ABCA13: variants seen among roughly 807,000 people sequenced by gnomAD.
ABCA13 encodes the protein ATP-binding cassette sub-family A member 13.
ABCA13 carries 476 observed loss-of-function variants against 478.7 expected under a neutral mutation model. The observed-to-expected ratio is 0.99, with a 90% CI of 0.92 to 1.07. The LOEUF (loss-of-function observed/expected upper bound fraction) is 1.07. Among genes scored for constraint, ABCA13 ranks in the 50% least tolerant of loss-of-function variants. The pLI is 0.00. For synonymous variants in ABCA13, 2,252 were observed against 2,158.9 expected, an observed-to-expected ratio of 1.04 and a Z score of -1.20; for missense variants, 6,060 against 5,910.6, an observed-to-expected ratio of 1.03 and a Z score of -0.83.
chr7:48,282,719 G>A (rs1167384346), intron 19 of ABCA13, among the ~76,000 whole-genome samples: 4 of 152,036 alleles, frequency 2.6e-5, no homozygotes, highest in Admixed American at 1.3e-4. Context: ...TGTAGATTAC[G>A]TGTTATTTCC....
chr7:48,324,893 G>A (rs1804081796), intron 27 of ABCA13, among the ~76,000 whole-genome samples: 2 of 152,216 alleles, frequency 1.3e-5, no homozygotes, highest in Admixed American at 6.5e-5. Flanking sequence ...TTGTTAAGCT[G>A]CATTTATGTA....
intron 48 of ABCA13, among the ~76,000 whole-genome samples, chr7:48,497,162 T>C (rs750392388): frequency 6.6e-6 from 1 of 152,198 alleles, no homozygotes; most frequent in South Asian, 2.1e-4. Flanking sequence ...ATTGGATAAG[T>C]TTTATTTTTT....
At chr7:48,592,991 A>C (rs567810865) in intron 57 of ABCA13, among the ~76,000 whole-genome samples, 2 of 152,102 alleles carry the variant, frequency 1.3e-5, no homozygotes, top group African/African-American at 2.4e-5. Context: ...TGCAAACAGC[A>C]TAAGATTGGA....
chr7:48,244,425 A>T, intron 10 of ABCA13, 151 bp from the exon 11 acceptor site: 1 of 922,490 alleles, frequency 1.1e-6, no homozygotes, highest in South Asian at 1.8e-5. Context: ...ATTTGTCAAG[A>T]ACCTGGTTGT....
intron 27 of ABCA13, among the ~76,000 whole-genome samples, chr7:48,327,901 T>C (rs2128924112): frequency 6.6e-6 from 1 of 152,312 alleles, no homozygotes; most frequent in South Asian, 2.1e-4. Context: ...TTTAAAGATA[T>C]TTATTTGTTT....
At chr7:48,597,681 A>G (rs1349340292) in intron 58 of ABCA13, among the ~76,000 whole-genome samples, 1 of 152,156 alleles carries the variant, frequency 6.6e-6, no homozygotes, top group Non-Finnish European at 1.5e-5. Context: ...TTTCCTAAGG[A>G]CTAACGCTGT....
chr7:48,242,172 C>G (rs1005915290), intron 10 of ABCA13, among the ~76,000 whole-genome samples: 4 of 151,928 alleles, frequency 2.6e-5, no homozygotes, highest in African/African-American at 9.7e-5. Flanking sequence ...CGTAATTATC[C>G]TACAAATCTC....
At chr7:48,497,773 C>T (rs1189670152) in intron 48 of ABCA13, among the ~76,000 whole-genome samples, 1 of 152,170 alleles carries the variant, frequency 6.6e-6, no homozygotes, top group African/African-American at 2.4e-5. Context: ...GGAGTAGAGT[C>T]TGCTCCCCAT....
rs77572432 is a variant in ABCA13 at position 48,304,234 on chromosome 7, T to A, written c.9322-5713T>A. 2.8e-3 allele frequency among the ~76,000 whole-genome samples: 434 copies of A among 152,328 alleles called. 3 individuals are homozygous for A. The highest frequency in any genetic ancestry group is 0.01 in the African/African-American group (418 of 41,574). Reference sequence around the variant, plus strand: ...TCTTAAAAACTGTAGATAGTAGAACTGTCACTCTTTCTGAAGGCATGAAGA... The same window carrying A: ...TCTTAAAAACTGTAGATAGTAGAACAGTCACTCTTTCTGAAGGCATGAAGA... On this transcript the variant is annotated intron_variant, in intron 23 of 61. Transcript: ENST00000435803.
At chr7:48,393,408 T>C (rs1019998500) in intron 38 of ABCA13, among the ~76,000 whole-genome samples, 1 of 152,050 alleles carries the variant, frequency 6.6e-6, no homozygotes, top group African/African-American at 2.4e-5. Flanking sequence ...AACCATGGCG[T>C]GAGTGTGTGG....
intron 55 of ABCA13, among the ~76,000 whole-genome samples, chr7:48,551,307 T>C (rs919767350): frequency 1.3e-5 from 2 of 151,856 alleles, no homozygotes; most frequent in African/African-American, 4.8e-5. Context: ...TAGAATTTGG[T>C]GAGGCAATAA....
rs76281882 is a variant in ABCA13 at position 48,471,340 on chromosome 7, G to A, written c.12906-190G>A. Among the ~76,000 whole-genome samples the A allele has an allele frequency of 4.7e-4, 71 of 152,306 alleles. No homozygotes were observed. In the East Asian group the frequency reaches 0.01, roughly 22 times the overall value. On this transcript the variant is annotated intron_variant, in intron 44 of 61. Transcript: ENST00000435803. ...CATGTAATATAATGGAAATGCTGGCGTTGTAATAAAACATTGTCATCAGAT... is the reference window on the plus strand; with the variant it reads ...CATGTAATATAATGGAAATGCTGGCATTGTAATAAAACATTGTCATCAGAT...
Position 48,249,214 on chromosome 7 carries a change from T to C in ABCA13, c.1868T>C (p.Ile623Thr). The change falls in exon 15 of 62, where the codon ATA becomes ACA. Residue 623 changes from isoleucine (I) to threonine (T), a missense_variant and splice_region_variant. Transcript: ENST00000435803. ...DCKHQLVSTV[I>T]FHTLEKTQFF... The stretch of plus-strand genomic sequence containing the variant: ...CTCTGGATTCTTTTTGATTGCAGGA[T>C]ATTTCATACACTTGAAAAAACACAA... The C allele has an allele frequency of 1.2e-6, 2 of 1,607,234 alleles. No homozygotes were observed. Among genetic ancestry groups the C allele is most frequent in the Non-Finnish European group, 1.7e-6 (2 of 1,175,956 alleles).
intron 16 of ABCA13, among the ~76,000 whole-genome samples, chr7:48,271,385 G>A (rs1320849680): frequency 6.6e-6 from 1 of 152,164 alleles, no homozygotes; most frequent in African/African-American, 2.4e-5. Flanking sequence ...ACACCTTGCT[G>A]AAACCCTACA....
intron 43 of ABCA13, among the ~76,000 whole-genome samples, chr7:48,459,251 A>T (rs1367344849): frequency 6.6e-6 from 1 of 152,104 alleles, no homozygotes; most frequent in Non-Finnish European, 1.5e-5. Flanking sequence ...GACCTGACGG[A>T]CCTGCTCAAA....
chr7:48,317,414 T>G (rs2128898544), intron 27 of ABCA13, 118 bp downstream of exon 27: 1 of 1,134,028 alleles, frequency 8.8e-7, no homozygotes, highest in Non-Finnish European at 1.2e-6. Context: ...GCTCTTGTTT[T>G]GAATCTACTT....
intron 42 of ABCA13, among the ~76,000 whole-genome samples, chr7:48,430,940 A>G (rs1344924763): frequency 1.3e-5 from 2 of 152,052 alleles, no homozygotes; most frequent in African/African-American, 2.4e-5. Flanking sequence ...GTTTGCATGA[A>G]TTTGAGATCT....
intron 1 of ABCA13, among the ~76,000 whole-genome samples, chr7:48,188,655 C>T (rs1012555325): frequency 6.6e-6 from 1 of 151,966 alleles, no homozygotes; most frequent in African/African-American, 2.4e-5. Flanking sequence ...TCTCCCCCCA[C>T]CCCACCCATT....
At chr7:48,456,204 G>A (rs142868778) in intron 43 of ABCA13, among the ~76,000 whole-genome samples, 2,275 of 152,366 alleles carry the variant, frequency 0.015, 34 homozygotes, top group Middle Eastern at 0.024. Flanking sequence ...GACAGTGTCA[G>A]TTCTGCTTTT....
Sources: gnomAD v4.1 joint callset for allele counts (sites outside exome capture counted in the v4.1 genomes callset) on GRCh38, gnomAD v4.1.1 for gene constraint, MANE v1.5 for transcripts, NCBI Gene and HGNC (gene_info 2026-07-23, HGNC 2026-07-21) for gene names.